Variants in ZDHHC17 observed in about 807,000 individuals in gnomAD.
The protein encoded by ZDHHC17 is palmitoyltransferase ZDHHC17.
A neutral mutation model predicts 90.3 loss-of-function variants in ZDHHC17; 40 were observed. That is an observed-to-expected ratio of 0.44 (90% confidence interval 0.34 to 0.58). The LOEUF is 0.58. Among genes scored for constraint, ZDHHC17 ranks in the 20% least tolerant of loss-of-function variants. The probability of loss-of-function intolerance (pLI) is 0.01; values close to 1 mark genes in which losing one functional copy is unlikely to be tolerated. For missense variants in ZDHHC17, 614 were observed against 780.8 expected (o/e 0.79, Z 2.55); for synonymous variants, 235 against 252.4 (o/e 0.93, Z 0.65).
intron 1 of ZDHHC17, among the ~76,000 whole-genome samples, chr12:76,794,091 T>G (rs893903402): frequency 6.6e-6 from 1 of 152,068 alleles, no homozygotes; most frequent in African/African-American, 2.4e-5. Context: ...TTCACTGTGT[T>G]AGCCAGGATG....
intron 10 of ZDHHC17, chr12:76,840,999 C>T (rs537390798): frequency 3.3e-5 from 5 of 152,240 alleles, no homozygotes; most frequent in Admixed American, 3.3e-4. Flanking sequence ...CTTATTTACT[C>T]TCTGCTGGCT....
chr12:76,822,576 C>T lies in ZDHHC17; in HGVS notation c.897+45C>T, dbSNP rs555169617. 1.7e-4 allele frequency: 224 copies of T among 1,317,712 alleles called. 1 individual carries two copies. The East Asian group carries it at 3.1e-3, about 18-fold the overall frequency. The allele number at this position is 1,317,712 out of a possible 1,614,324, so 81.6% of individuals were successfully genotyped here. A position where few individuals can be genotyped will look rare whatever the true frequency, so the allele number is the denominator to read the frequency against. On this transcript the variant is annotated intron_variant, in intron 8 of 16. Coordinates refer to ENST00000426126, the MANE Select transcript of ZDHHC17 (RefSeq NM_015336.4). The stretch of plus-strand genomic sequence containing the variant: ...TTTTTTTTTTTTTTTTTTTTTGAGA[C>T]GGAGTTTCGCTCTTGTTGCCCAGGC...
chr12:76,819,024 GA>G (rs1230347774), intron 7 of ZDHHC17, among the ~76,000 whole-genome samples: 4 of 152,166 alleles, frequency 2.6e-5, no homozygotes, highest in African/African-American at 9.7e-5. Flanking sequence ...GAGGTAGAGA[GA>G]AATGACTGGA....
In ZDHHC17 at chr12:76,790,786, G is replaced by A. The variant is rs552603501; in HGVS notation, c.94-6648G>A. Among the ~76,000 whole-genome samples the A allele has an allele frequency of 2.6e-5, 4 of 152,288 alleles. No individual in the cohort carries two copies. The South Asian group carries it at 8.3e-4, about 32-fold the overall frequency. On this transcript the variant is annotated intron_variant, in intron 1 of 16. Coordinates refer to ENST00000426126, the MANE Select transcript of ZDHHC17 (RefSeq NM_015336.4). ...GAAGCTAAAGAAGTTAATCTCAGAAGTAGGGAGTAGAATAGTGGTTACTAG... is the reference window on the plus strand; with the variant it reads ...GAAGCTAAAGAAGTTAATCTCAGAAATAGGGAGTAGAATAGTGGTTACTAG...
Position 76,815,151 on chromosome 12 carries a change from A to G in ZDHHC17, c.549A>G (p.Val183=), listed in dbSNP as rs1240177430. The G allele has an allele frequency of 6.4e-6, 10 of 1,560,124 alleles. No homozygotes were observed. The Admixed American group carries it at 9.5e-5, about 15-fold the overall frequency. Residue 183 remains valine (V), a synonymous_variant, in exon 6 of 17, where the codon GTA becomes GTG. Coordinates refer to ENST00000426126, the MANE Select transcript of ZDHHC17 (RefSeq NM_015336.4). The stretch of plus-strand genomic sequence containing the variant: ...TTTTCTTTTTACTTTATCAGGATGT[A>G]GATATGATGGATCAGAATGGAATGA... ...VAYLIAKGQD[V]DMMDQNGMTP... is the part of the protein sequence containing the mutation.
chr12:76,808,817 G>A (rs1432711945), intron 3 of ZDHHC17, among the ~76,000 whole-genome samples: 1 of 139,464 alleles, frequency 7.2e-6, no homozygotes, highest in Non-Finnish European at 1.6e-5. Context: ...TTTTTTTTTT[G>A]TAACTTAAAA....
At chr12:76,766,506 T>C (rs1323719333) in intron 1 of ZDHHC17, among the ~76,000 whole-genome samples, 1 of 152,216 alleles carries the variant, frequency 6.6e-6, no homozygotes, top group Admixed American at 6.5e-5. Context: ...TGAGATAATA[T>C]GTTTTTGTTG....
intron 1 of ZDHHC17, among the ~76,000 whole-genome samples, chr12:76,766,208 A>G (rs1223172727): frequency 6.6e-6 from 1 of 152,202 alleles, no homozygotes. Flanking sequence ...CAACCTCCTC[A>G]TCATTGATAG....
At chr12:76,803,152 C>A (rs530429596) in intron 2 of ZDHHC17, among the ~76,000 whole-genome samples, 20 of 152,100 alleles carry the variant, frequency 1.3e-4, no homozygotes, top group African/African-American at 4.3e-4. Flanking sequence ...ACTAGGGAGG[C>A]TGAGGTGGGA....
At chr12:76,836,978 C>A (rs1540589) in intron 10 of ZDHHC17, among the ~76,000 whole-genome samples, 92,847 of 152,000 alleles carry the variant, frequency 0.61, 28,421 homozygotes, top group East Asian at 0.67. Context: ...CTTGAATTTT[C>A]GACATGTCTC....
chr12:76,812,003 T>C (rs1953029898), intron 5 of ZDHHC17, among the ~76,000 whole-genome samples: 1 of 152,172 alleles, frequency 6.6e-6, no homozygotes. Flanking sequence ...ATAAGGTGTA[T>C]ATGAAAGATG....
At chr12:76,840,339 AT>A (rs551753967) in intron 10 of ZDHHC17, 2,484 of 134,442 alleles carry the variant, frequency 0.018, 19 homozygotes, top group South Asian at 0.045. Context: ...ATTTCCATTA[AT>A]TTTTTTTTTT....
intron 8 of ZDHHC17, 31 bp from the exon 9 acceptor site, chr12:76,826,877 A>G: frequency 6.7e-7 from 1 of 1,497,232 alleles, no homozygotes. Flanking sequence ...GAAACATGCA[A>G]AAACTTTTCT....
In ZDHHC17 at chr12:76,782,590, C is replaced by A. The variant is rs1179265696; in HGVS notation, c.94-14844C>A. ...AAGAAAGTTGCCTGCTCAGCAGACA[C>A]AACCTCAGATATGTTCCACTGGAGT... is the stretch of plus-strand genomic sequence containing the variant. On this transcript the variant is annotated intron_variant, in intron 1 of 16. Coordinates refer to ENST00000426126, the MANE Select transcript of ZDHHC17 (RefSeq NM_015336.4). Among the ~76,000 whole-genome samples the A allele has an allele frequency of 7.9e-5, 12 of 152,118 alleles. No homozygotes were observed. In the East Asian group the frequency reaches 2.3e-3, roughly 29 times the overall value.
intron 16 of ZDHHC17, 99 bp downstream of exon 16, chr12:76,849,569 C>T: frequency 1.4e-6 from 1 of 690,128 alleles, no homozygotes; most frequent in Non-Finnish European, 2.4e-6. Context: ...AGCTTTTAAA[C>T]CTTTTTAAGA....
intron 1 of ZDHHC17, among the ~76,000 whole-genome samples, chr12:76,780,167 G>C (rs1233916358): frequency 6.6e-6 from 1 of 152,088 alleles, no homozygotes; most frequent in Non-Finnish European, 1.5e-5. Context: ...GGTTAAACTT[G>C]TCTATTGTCT....
intron 10 of ZDHHC17, among the ~76,000 whole-genome samples, chr12:76,841,503 CTA>C (rs1953434462): frequency 2.6e-5 from 4 of 152,018 alleles, no homozygotes; most frequent in Admixed American, 2.6e-4. Flanking sequence ...AACATATAAA[CTA>C]TTTGTTTTAA....
chr12:76,845,802 G>A lies in ZDHHC17; in HGVS notation c.1423G>A (p.Gly475Ser). Residue 475 changes from glycine to serine, a missense_variant and splice_region_variant, in exon 13 of 17, where the codon GGT becomes AGT. Coordinates refer to ENST00000426126, the MANE Select transcript of ZDHHC17 (RefSeq NM_015336.4). ...TTGCCCATGGGTGGGTAACTGTGTA[G>A]GTAAGTTGTATTAGTAATTTCTTCT... is the stretch of plus-strand genomic sequence containing the variant. ...HHCPWVGNCVGAGNHRYFMGY... is the reference protein window; with the variant it reads ...HHCPWVGNCVSAGNHRYFMGY... 1 of 1,572,066 alleles carries A rather than the reference G, an allele frequency of 6.4e-7. No individual in the cohort carries two copies. The highest frequency in any genetic ancestry group is 8.7e-7 in the Non-Finnish European group (1 of 1,143,606).
At chr12:76,837,603 C>T (rs965582626) in intron 10 of ZDHHC17, among the ~76,000 whole-genome samples, 4 of 152,146 alleles carry the variant, frequency 2.6e-5, no homozygotes, top group Non-Finnish European at 5.9e-5. Flanking sequence ...TCTTAATATA[C>T]AGTGTGTCTT....
Sources: allele counts gnomAD v4.1 joint callset (sites outside exome capture counted in the v4.1 genomes callset), GRCh38; gene constraint gnomAD v4.1.1; transcripts MANE v1.5; gene names NCBI Gene and HGNC (gene_info 2026-07-23, HGNC 2026-07-21).